The following ENPP6 variants were observed in gnomAD, a reference collection of about 807,000 sequenced individuals.
ENPP6 encodes the protein glycerophosphocholine cholinephosphodiesterase ENPP6.
A neutral mutation model predicts 42.0 loss-of-function variants in ENPP6; 32 were observed. The ratio of observed to expected loss-of-function variants is 0.76; its 90% CI spans 0.58 to 1.02. The LOEUF (loss-of-function observed/expected upper bound fraction) is 1.02, where lower values mean the gene tolerates loss of function less well. ENPP6 is among the 50% of genes least tolerant of loss of function. ENPP6 has a pLI of 0.00. For missense variants in ENPP6, 552 were observed against 566.8 expected (o/e 0.97, Z 0.27); for synonymous variants, 213 against 216.0 (o/e 0.99, Z 0.12).
intron 1 of ENPP6, among the ~76,000 whole-genome samples, chr4:184,196,578 T>C (rs56840390): frequency 2.8e-4 from 43 of 152,326 alleles, no homozygotes; most frequent in African/African-American, 9.6e-4. Context: ...ATCTCTGAAA[T>C]GTTACAATCT....
At chr4:184,124,478 C>G (rs1057000367) in intron 2 of ENPP6, among the ~76,000 whole-genome samples, 1 of 152,158 alleles carries the variant, frequency 6.6e-6, no homozygotes, top group South Asian at 2.1e-4. Context: ...AATGTCATTC[C>G]TATGCAACAC....
At chr4:184,186,966 C>A (rs1038570020) in intron 1 of ENPP6, among the ~76,000 whole-genome samples, 1 of 152,226 alleles carries the variant, frequency 6.6e-6, no homozygotes, top group African/African-American at 2.4e-5. Flanking sequence ...CCTACAGGAC[C>A]TGCCGCGGCC....
At chr4:184,113,947 CT>C (rs1178540305) in intron 5 of ENPP6, among the ~76,000 whole-genome samples, 4 of 134,444 alleles carry the variant, frequency 3.0e-5, no homozygotes, top group African/African-American at 1.1e-4. Context: ...TTCTTTCTTT[CT>C]TTCTTTCTTT....
At chr4:184,200,906 G>C (rs1732884195) in intron 1 of ENPP6, among the ~76,000 whole-genome samples, 1 of 152,212 alleles carries the variant, frequency 6.6e-6, no homozygotes, top group Non-Finnish European at 1.5e-5. Context: ...GCCCTGGGTA[G>C]TTCCTTCATC....
chr4:184,135,035 G>A (rs758980559), intron 2 of ENPP6, among the ~76,000 whole-genome samples: 9 of 151,448 alleles, frequency 5.9e-5, no homozygotes, highest in Admixed American at 5.3e-4. Context: ...ATTGATTATT[G>A]TTTAATTACA....
chr4:184,107,837 C>T (rs573994184), intron 6 of ENPP6, among the ~76,000 whole-genome samples: 2 of 151,880 alleles, frequency 1.3e-5, no homozygotes, highest in South Asian at 2.1e-4. Flanking sequence ...ATGGCGTGAA[C>T]CCGGGAGGCG....
rs370776282 is a variant in ENPP6 at position 184,185,925 on chromosome 4, T to C, written c.241+31654A>G. Among the ~76,000 whole-genome samples, 5 of 152,228 alleles carry C rather than the reference T, an allele frequency of 3.3e-5. No individual in the cohort carries two copies. In the East Asian group the frequency reaches 5.8e-4, roughly 18 times the overall value. The stretch of plus-strand genomic sequence containing the variant: ...CTAATTAGTTGATTTGTTGAATCAA[T>C]GTTAAATTTGTTGGGTAGCATTGTG... On this transcript the variant is annotated intron_variant, in intron 1 of 7. Coordinates refer to ENST00000296741, the MANE Select transcript of ENPP6 (RefSeq NM_153343.4).
chr4:184,104,371 G>A (rs1736053282), intron 6 of ENPP6, among the ~76,000 whole-genome samples: 2 of 152,190 alleles, frequency 1.3e-5, no homozygotes, highest in Non-Finnish European at 2.9e-5. Flanking sequence ...TTAGAAGCTT[G>A]GGCCTGAATT....
At chr4:184,115,535 G>A (rs1020395853) in intron 5 of ENPP6, among the ~76,000 whole-genome samples, 1 of 152,178 alleles carries the variant, frequency 6.6e-6, no homozygotes, top group Non-Finnish European at 1.5e-5. Flanking sequence ...TTGGCACTGT[G>A]GGAACTCAAC....
At chr4:184,148,561 T>A (rs115957276) in intron 2 of ENPP6, among the ~76,000 whole-genome samples, 1,969 of 152,314 alleles carry the variant, frequency 0.013, 45 homozygotes, top group African/African-American at 0.045. Flanking sequence ...GATCATTTTG[T>A]GGAGACAATC....
chr4:184,175,665 T>C (rs932280620), intron 1 of ENPP6, among the ~76,000 whole-genome samples: 4 of 152,132 alleles, frequency 2.6e-5, no homozygotes, highest in African/African-American at 9.7e-5. Context: ...AACTGGAAAG[T>C]TTGTGATGAG....
intron 1 of ENPP6, among the ~76,000 whole-genome samples, chr4:184,190,705 C>T (rs1188593634): frequency 6.6e-6 from 1 of 152,054 alleles, no homozygotes; most frequent in Admixed American, 6.5e-5. Context: ...ACCCTGCCCT[C>T]ATTGGGACCA....
rs373211267 is a variant in ENPP6 at position 184,140,986 on chromosome 4, A to C, written c.421+12568T>G. Among the ~76,000 whole-genome samples, 1,227 of 133,862 alleles carry C rather than the reference A, an allele frequency of 9.2e-3. 15 individuals carry two copies. The highest frequency in any genetic ancestry group is 0.038 in the South Asian group (134 of 3,572). 87.8% of individuals were successfully genotyped at this position (133,862 alleles called of 152,430 possible). A position where few individuals can be genotyped will look rare whatever the true frequency, so the allele number is the denominator to read the frequency against. ...AAATGGGAGAAAATTTTCGCAACCT[A>C]CTCATCTGACAAAGGGCTAATATCC... On this transcript the variant is annotated intron_variant, in intron 2 of 7. Coordinates refer to ENST00000296741, the MANE Select transcript of ENPP6 (RefSeq NM_153343.4).
intron 2 of ENPP6, among the ~76,000 whole-genome samples, chr4:184,131,918 G>T (rs1390883012): frequency 6.6e-6 from 1 of 152,076 alleles, no homozygotes; most frequent in Non-Finnish European, 1.5e-5. Flanking sequence ...ACAAGCTGGA[G>T]ATCTAGGAAA....
At position 184,090,949 on chromosome 4, in the gene ENPP6, A is replaced by G. The variant is rs2111323497; in HGVS notation, c.*228T>C. On this transcript the variant is annotated 3_prime_UTR_variant, in exon 8 of 8. Coordinates refer to ENST00000296741, the MANE Select transcript of ENPP6 (RefSeq NM_153343.4). The stretch of plus-strand genomic sequence containing the variant: ...AAAGGAGAAAATGACATATAACTGC[A>G]CAAATGGAAAGCTAGGATTTTCCTA... The G allele has an allele frequency of 2.1e-6, 1 of 476,220 alleles. No homozygotes were observed. Among genetic ancestry groups the G allele is most frequent in the Non-Finnish European group, 3.6e-6 (1 of 276,382 alleles). The allele number at this position is 476,220 out of a possible 1,614,324, so 29.5% of individuals were successfully genotyped here. A position where few individuals can be genotyped will look rare whatever the true frequency, so the allele number is the denominator to read the frequency against.
At chr4:184,206,942 T>C (rs17679896) in intron 1 of ENPP6, among the ~76,000 whole-genome samples, 34,027 of 152,124 alleles carry the variant, frequency 0.22, 4,604 homozygotes, top group East Asian at 0.74. Context: ...CTGGCCACTC[T>C]AAGATGCAGG....
intron 1 of ENPP6, among the ~76,000 whole-genome samples, chr4:184,186,457 A>G (rs1206462772): frequency 6.6e-6 from 1 of 152,208 alleles, no homozygotes; most frequent in Non-Finnish European, 1.5e-5. Flanking sequence ...GAGACCGACA[A>G]GGTGAGAAGA....
At chr4:184,163,101 T>C (rs1013615705) in intron 1 of ENPP6, among the ~76,000 whole-genome samples, 2 of 152,016 alleles carry the variant, frequency 1.3e-5, no homozygotes, top group African/African-American at 4.8e-5. Flanking sequence ...CCAGGGAAAA[T>C]CCTAAGACGT....
intron 1 of ENPP6, among the ~76,000 whole-genome samples, chr4:184,176,403 G>A (rs1737562003): frequency 6.6e-6 from 1 of 152,246 alleles, no homozygotes; most frequent in African/African-American, 2.4e-5. Flanking sequence ...GAAAGCAGAT[G>A]GAAACGGTGA....
Sources: gnomAD v4.1 joint callset for allele counts (sites outside exome capture counted in the v4.1 genomes callset) on GRCh38, gnomAD v4.1.1 for gene constraint, MANE v1.5 for transcripts, NCBI Gene and HGNC (gene_info 2026-07-23, HGNC 2026-07-21) for gene names.